The following BEAN1 variants were observed in gnomAD, a reference collection of about 807,000 sequenced individuals.
BEAN1 encodes the protein protein BEAN1.
Under a neutral mutation model 17.7 loss-of-function variants are expected in BEAN1, and 17 were observed. That is an observed-to-expected ratio of 0.96 (90% CI 0.66 to 1.44). The LOEUF (loss-of-function observed/expected upper bound fraction) is 1.44, where lower values mean the gene tolerates loss of function less well. Among genes scored for constraint, BEAN1 ranks in the 40% most tolerant of loss-of-function variants. BEAN1 has a pLI of 0.00. For missense variants in BEAN1, 359 were observed against 374.1 expected (o/e 0.96, Z 0.33); for synonymous variants, 142 against 151.8 (o/e 0.94, Z 0.47).
intron 2 of BEAN1, among the ~76,000 whole-genome samples, chr16:66,448,803 C>T (rs897375382): frequency 1.3e-5 from 2 of 151,928 alleles, no homozygotes; most frequent in Non-Finnish European, 2.9e-5. Flanking sequence ...GGCAACAGAA[C>T]GAGACTCTGT....
At chr16:66,495,152 C>T (rs1345920977), downstream of BEAN1, among the ~76,000 whole-genome samples, 1 of 152,186 alleles carries the variant, frequency 6.6e-6, no homozygotes, top group Non-Finnish European at 1.5e-5. Flanking sequence ...AAAGCTTTGG[C>T]TCCACCTGCA....
chr16:66,489,209 ACTT>A (rs1262249727), intron 4 of BEAN1, among the ~76,000 whole-genome samples: 9 of 152,208 alleles, frequency 5.9e-5, no homozygotes, highest in African/African-American at 1.9e-4. Context: ...GTTAATAAAT[ACTT>A]CTTCTTTTAA....
rs1253791688 is a variant in BEAN1, at chr16:66,480,971, C to A, written c.*46C>A. 7.3e-7 allele frequency: 1 copy of A among 1,364,098 alleles called. No individual in the cohort carries two copies. Among genetic ancestry groups the A allele is most frequent in the South Asian group, 1.5e-5 (1 of 65,630 alleles). The allele number at this position is 1,364,098 out of a possible 1,614,324, so 84.5% of individuals were successfully genotyped here. ...CTGCTGGTCCCTACAGGCTGAACCA[C>A]ATTCTTTAGGCACACAAAGGCGTGC... On this transcript the variant is annotated 3_prime_UTR_variant, in exon 5 of 5. Transcript: ENST00000536005.
At chr16:66,440,629 C>G (rs1368159335) in intron 2 of BEAN1, among the ~76,000 whole-genome samples, 1 of 152,230 alleles carries the variant, frequency 6.6e-6, no homozygotes, top group East Asian at 1.9e-4. Flanking sequence ...GCAGCCCCCG[C>G]CCTTCTCGCT....
At position 66,437,880 on chromosome 16, in the gene BEAN1, A is replaced by T. The variant is rs1165165361; in HGVS notation, c.25+179A>T. ...ACGGAAGACCCCTGACGTCTGCAAG[A>T]TGCTCCCTGAGAACTGAAAATCGCA... On this transcript the variant is annotated intron_variant, in intron 2 of 4. Transcript: ENST00000536005. 7 of 794,348 alleles carry T rather than the reference A, an allele frequency of 8.8e-6. No individual in the cohort carries two copies. The East Asian group carries it at 1.6e-4, about 18-fold the overall frequency. The allele number at this position is 794,348 out of a possible 1,614,324, so 49.2% of individuals were successfully genotyped here. A position where few individuals can be genotyped will look rare whatever the true frequency, so the allele number is the denominator to read the frequency against.
At chr16:66,484,589 T>TG (rs1243676690), downstream of BEAN1, 2 of 453,974 alleles carry the variant, frequency 4.4e-6, no homozygotes, top group South Asian at 3.1e-5. The surrounding 1 kb of genome is among the most constrained non-coding windows in gnomAD (Gnocchi z 4.2). Flanking sequence ...CACAGGACGA[T>TG]GGAGACAGGG....
intron 1 of BEAN1, among the ~76,000 whole-genome samples, chr16:66,433,305 T>A (rs1432084598): frequency 6.6e-6 from 1 of 152,098 alleles, no homozygotes; most frequent in Non-Finnish European, 1.5e-5. Context: ...GAGATAGGAT[T>A]TCACCATGTT....
chr16:66,435,124 G>A (rs1567480984), intron 1 of BEAN1, among the ~76,000 whole-genome samples: 2 of 152,054 alleles, frequency 1.3e-5, no homozygotes, highest in Non-Finnish European at 2.9e-5. Flanking sequence ...GCTAGGGAGA[G>A]GGAACAGCCC....
chr16:66,450,823 G>A (rs1388922207), intron 2 of BEAN1, among the ~76,000 whole-genome samples: 5 of 152,208 alleles, frequency 3.3e-5, no homozygotes, highest in African/African-American at 9.6e-5. Context: ...GCATAGGTGA[G>A]CAGAGGTATC....
At position 66,481,120 on chromosome 16, in the gene BEAN1, G is replaced by A. The variant is rs1311171648; in HGVS notation, c.*195G>A. 1 of 484,264 alleles carries A rather than the reference G, an allele frequency of 2.1e-6. No homozygotes were observed. The highest frequency in any genetic ancestry group is 3.4e-5 in the East Asian group (1 of 29,778). The allele number at this position is 484,264 out of a possible 1,614,324, so 30.0% of individuals were successfully genotyped here. A position where few individuals can be genotyped will look rare whatever the true frequency, so the allele number is the denominator to read the frequency against. On this transcript the variant is annotated 3_prime_UTR_variant, in exon 5 of 5. Coordinates refer to ENST00000536005, the MANE Select transcript of BEAN1 (RefSeq NM_001178020.3). This position sits in a 1 kb window ranked among gnomAD's most constrained non-coding sequence, Gnocchi z 4.1. ...AGATCTAGACGTGCTCCACATATGT[G>A]TGAATATGCGCACATACAGGCCTAC...
chr16:66,447,201 T>G (rs1268777183), intron 2 of BEAN1, among the ~76,000 whole-genome samples: 2 of 152,104 alleles, frequency 1.3e-5, no homozygotes, highest in African/African-American at 4.8e-5. Context: ...GCCCAGGAGT[T>G]TGCGGGTGCC....
chr16:66,474,158 C>T (rs537872293), intron 3 of BEAN1, among the ~76,000 whole-genome samples: 7 of 152,272 alleles, frequency 4.6e-5, no homozygotes, highest in South Asian at 2.1e-4. Context: ...TTGCCTCAGG[C>T]GAGTCATCTA....
At chr16:66,476,045 G>T (rs1417595424) in intron 3 of BEAN1, among the ~76,000 whole-genome samples, 1 of 151,442 alleles carries the variant, frequency 6.6e-6, no homozygotes, top group Non-Finnish European at 1.5e-5. Flanking sequence ...CGGAGGCGGA[G>T]CTTGCAGTGA....
chr16:66,450,873 T>C (rs768643205), intron 2 of BEAN1: 1 of 152,338 alleles, frequency 6.6e-6, no homozygotes, highest in African/African-American at 2.4e-5. Context: ...AAAGACAGTC[T>C]AGGTAAATAT....
rs1963395869 is a variant in BEAN1, at chr16:66,469,724, T to A, written c.148T>A (p.Ser50Thr). 1 of 1,535,982 alleles carries A rather than the reference T, an allele frequency of 6.5e-7. No homozygotes were observed. The highest frequency in any genetic ancestry group is 1.4e-5 in the African/African-American group (1 of 73,004). Residue 50 changes from serine (S) to threonine (T), a missense_variant, in exon 3 of 5, where the codon TCC becomes ACC. By Grantham distance (58) the Ser-to-Thr change is moderately conservative. Coordinates refer to ENST00000536005, the MANE Select transcript of BEAN1 (RefSeq NM_001178020.3). The part of the protein sequence containing the change: ...SAVIGVVIIL[S>T]CITIIVGSIR... ...CGTCATAGGTGTGGTCATCATCCTC[T>A]CCTGCATCACCATCATTGTGGGCAG...
chr16:66,475,271 A>G (rs1162966669), intron 3 of BEAN1, among the ~76,000 whole-genome samples: 6 of 150,572 alleles, frequency 4.0e-5, no homozygotes, highest in African/African-American at 1.5e-4. Context: ...TGGATGTCTC[A>G]GGTTTGGGGT....
At chr16:66,441,393 C>G (rs1962250931) in intron 2 of BEAN1, among the ~76,000 whole-genome samples, 1 of 152,172 alleles carries the variant, frequency 6.6e-6, no homozygotes, top group African/African-American at 2.4e-5. Flanking sequence ...ACACACACCC[C>G]TGTTTTTAAT....
At chr16:66,445,717 C>A (rs1214570669) in intron 2 of BEAN1, among the ~76,000 whole-genome samples, 1 of 151,906 alleles carries the variant, frequency 6.6e-6, no homozygotes, top group African/African-American at 2.4e-5. Flanking sequence ...AGGAAAGGTA[C>A]CAGAGGCAGT....
At chr16:66,477,511 A>T in intron 3 of BEAN1, 49 bp from the exon 4 acceptor site, 1 of 1,473,004 alleles carries the variant, frequency 6.8e-7, no homozygotes, top group Non-Finnish European at 9.0e-7. Context: ...CATAAGGACC[A>T]TCCCTGGATC....
Sources: allele counts gnomAD v4.1 joint callset (sites outside exome capture counted in the v4.1 genomes callset), GRCh38; gene constraint gnomAD v4.1.1; non-coding constraint Gnocchi (gnomAD v3.1); transcripts MANE v1.5; gene names NCBI Gene and HGNC (gene_info 2026-07-23, HGNC 2026-07-21).